LMOD3: variants seen among roughly 807,000 people sequenced by gnomAD.
The protein encoded by LMOD3 is leiomodin-3.
LMOD3 carries 31 observed loss-of-function variants against 41.8 expected under a neutral mutation model. That is an observed-to-expected ratio of 0.74 (90% CI 0.56 to 1.00). The LOEUF is 1.00. LMOD3 is among the 50% of genes least tolerant of loss of function. The pLI, the probability that LMOD3 is intolerant of heterozygous loss-of-function variation, is 0.00. For missense variants in LMOD3, 755 were observed against 679.5 expected, an observed-to-expected ratio of 1.11 and a Z score of -1.23; for synonymous variants, 292 against 241.9, an observed-to-expected ratio of 1.21 and a Z score of -1.92.
rs2107526351 is a variant in LMOD3, at chr3:69,119,383, AC to A, written c.971del (p.Gly324ValfsTer8). 1 of 1,613,842 alleles carries A rather than the reference AC, an allele frequency of 6.2e-7. No individual in the cohort carries two copies. ...ACCTCATGATGGCCACAATCCCTTT[AC>A]CTGTGATGAAATTGGACTCGATGTT... ...TLNIESNFIT[G>X]KGIVAIMRCL... On this transcript the variant is annotated frameshift_variant, in exon 2 of 3. Transcript: ENST00000420581. LOFTEE classifies it high-confidence loss of function.
At chr3:69,112,936 G>A (rs763368362) in intron 2 of LMOD3, among the ~76,000 whole-genome samples, 3 of 152,122 alleles carry the variant, frequency 2.0e-5, no homozygotes, top group Non-Finnish European at 4.4e-5. Flanking sequence ...CACATCAAAG[G>A]CAAGCAATTC....
intron 2 of LMOD3, among the ~76,000 whole-genome samples, chr3:69,114,623 T>C (rs1471182456): frequency 2.0e-5 from 3 of 151,946 alleles, no homozygotes; most frequent in Non-Finnish European, 4.4e-5. Flanking sequence ...TTCTCATACC[T>C]CAGCCTCCCA....
At position 69,118,891 on chromosome 3, in the gene LMOD3, C is replaced by T. The variant is rs532434736; in HGVS notation, c.1464G>A (p.Val488=). Residue 488 remains valine, a synonymous_variant, in exon 2 of 3, where the codon GTG becomes GTA. Coordinates refer to ENST00000420581, the MANE Select transcript of LMOD3 (RefSeq NM_198271.5). The stretch of plus-strand genomic sequence containing the variant: ...ATTTGCGCTGGATTCTCTTCAGCTT[C>T]ACCACCCGGAAGGAGTCAGGGTCTG... The part of the protein sequence containing the change: ...YRTDPDSFRV[V]KLKRIQRKSR... 30 of 1,611,228 alleles carry T rather than the reference C, an allele frequency of 1.9e-5. No homozygotes were observed. The South Asian group carries it at 3.2e-4, about 17-fold the overall frequency.
chr3:69,118,278 G>A (rs1034517456), intron 2 of LMOD3, among the ~76,000 whole-genome samples: 3 of 152,106 alleles, frequency 2.0e-5, no homozygotes, highest in Admixed American at 1.3e-4. Flanking sequence ...ACTCAGAACC[G>A]GGTTTCAATG....
At position 69,120,024 on chromosome 3, in the gene LMOD3, G is replaced by T. The variant is rs373887230; in HGVS notation, c.331C>A (p.Arg111Ser). The T allele has an allele frequency of 9.4e-6, 15 of 1,602,762 alleles. No homozygotes were observed. In the South Asian group the frequency reaches 1.5e-4, roughly 16 times the overall value. ...TQEEHEEIEK[R>S]NKNMAQYLKE... ...AAATACTGGGCCATATTTTTATTAC[G>T]TTTTTCTATTTCTTCATGCTCTTCT... Residue 111 changes from arginine to serine, a missense_variant, in exon 2 of 3, where the codon CGT (arginine) becomes AGT (serine). Arg to Ser is a moderately radical substitution (Grantham distance 110, BLOSUM62 -1). Transcript: ENST00000420581.
At position 69,122,188 on chromosome 3, in the gene LMOD3, T is replaced by C. The variant is rs1451335332; in HGVS notation, c.199A>G (p.Asn67Asp). The C allele has an allele frequency of 5.0e-6, 8 of 1,613,386 alleles. No homozygotes were observed. Among genetic ancestry groups the C allele is most frequent in the Non-Finnish European group, 5.9e-6 (7 of 1,179,658 alleles). Residue 67 changes from asparagine to aspartate, a missense_variant, in exon 1 of 3, where the codon AAT becomes GAT. Physicochemically the swap from Asn to Asp is conservative, Grantham distance 23. Coordinates refer to ENST00000420581, the MANE Select transcript of LMOD3 (RefSeq NM_198271.5). Reference sequence around the variant, plus strand: ...ATATAATCAACAAGAGATTTATGATTGAAGTTTCCTGTCGGTGGCTTGTCA... The same window carrying C: ...ATATAATCAACAAGAGATTTATGATCGAAGTTTCCTGTCGGTGGCTTGTCA... ...QTDKPPTGNF[N>D]HKSLVDYMYW...
Position 69,118,857 on chromosome 3 carries a change from G to T in LMOD3, c.1498C>A (p.Pro500Thr), listed in dbSNP as rs1446238283. 2 of 1,609,950 alleles carry T rather than the reference G, an allele frequency of 1.2e-6. No individual in the cohort carries two copies. Among genetic ancestry groups the T allele is most frequent in the Non-Finnish European group, 8.5e-7 (1 of 1,179,042 alleles). The change falls in exon 2 of 3, where the codon CCG becomes ACG. Residue 500 changes from proline (P) to threonine (T), a missense_variant. Transcript: ENST00000420581. Reference protein sequence around the residue: ...LKRIQRKSRMPEAREPPEKTN... With the variant: ...LKRIQRKSRMTEAREPPEKTN... ...TTCTCGGGTGGTTCTCTGGCTTCCG[G>T]CATCCGAGATTTGCGCTGGATTCTC...
chr3:69,110,010 G>A (rs1332671297), intron 2 of LMOD3, among the ~76,000 whole-genome samples: 1 of 152,018 alleles, frequency 6.6e-6, no homozygotes, highest in East Asian at 1.9e-4. Flanking sequence ...ATCACTATAA[G>A]AATATAAAAT....
chr3:69,111,984 A>G (rs1416388390), intron 2 of LMOD3, among the ~76,000 whole-genome samples: 1 of 152,232 alleles, frequency 6.6e-6, no homozygotes, highest in Non-Finnish European at 1.5e-5. Flanking sequence ...TAAAAACCAA[A>G]AACTATAAAA....
At chr3:69,110,702 G>T (rs1335793569) in intron 2 of LMOD3, among the ~76,000 whole-genome samples, 1 of 147,638 alleles carries the variant, frequency 6.8e-6, no homozygotes, top group African/African-American at 2.5e-5. Context: ...AATTAGCTGG[G>T]CGTGGTGGCA....
rs1258289949 is a variant in LMOD3, at chr3:69,120,059, T to C, written c.296A>G (p.Glu99Gly). Reference sequence around the variant, plus strand: ...TTCTTCATGCTCTTCTTGAGTCTTTTCCTACAAGAGAGGTTTATGAGGGTT... The same window carrying C: ...TTCTTCATGCTCTTCTTGAGTCTTTCCCTACAAGAGAGGTTTATGAGGGTT... ...RVPVTFVKSEEKTQEEHEEIE... is the reference protein window; with the variant it reads ...RVPVTFVKSEGKTQEEHEEIE... Residue 99 changes from glutamate (E) to glycine (G), a missense_variant and splice_region_variant, in exon 2 of 3, where the codon GAA (glutamate) becomes GGA (glycine). Physicochemically the swap from Glu to Gly is moderately conservative, Grantham distance 98. Transcript: ENST00000420581. 3.1e-6 allele frequency: 5 copies of C among 1,593,766 alleles called. No homozygotes were observed. The Admixed American group carries it at 5.3e-5, about 17-fold the overall frequency.
Position 69,109,282 on chromosome 3 carries a change from A to G in LMOD3, c.1657-161T>C, listed in dbSNP as rs115107879. On this transcript the variant is annotated intron_variant, in intron 2 of 2. Transcript: ENST00000420581. Reference sequence around the variant, plus strand: ...TCAAGATAAAACAACAATCATAACCACAGCCACCATTTATTAGACATTTAC... The same window carrying G: ...TCAAGATAAAACAACAATCATAACCGCAGCCACCATTTATTAGACATTTAC... Among the ~76,000 whole-genome samples, 1,405 of 152,238 alleles carry G rather than the reference A, an allele frequency of 9.2e-3. 12 individuals carry two copies. The highest frequency in any genetic ancestry group is 0.044 in the Middle Eastern group (13 of 294).
In LMOD3 at chr3:69,119,101, G is replaced by C; in HGVS notation, c.1254C>G (p.Ala418=). ...QQLKEQKKLI[A]MLENGLGLPP... is the part of the protein sequence containing the mutation. Reference sequence around the variant, plus strand: ...GCAGCCCCAACCCATTCTCTAACATGGCTATCAGCTTCTTCTGTTCCTTGA... The same window carrying C: ...GCAGCCCCAACCCATTCTCTAACATCGCTATCAGCTTCTTCTGTTCCTTGA... The change falls in exon 2 of 3, where the codon GCC becomes GCG. Residue 418 remains alanine, a synonymous_variant. Coordinates refer to ENST00000420581, the MANE Select transcript of LMOD3 (RefSeq NM_198271.5). The C allele has an allele frequency of 6.2e-7, 1 of 1,613,744 alleles. No homozygotes were observed.
In LMOD3 at chr3:69,114,944, C is replaced by A. The variant is rs962981145; in HGVS notation, c.1656+3755G>T. Among the ~76,000 whole-genome samples the A allele has an allele frequency of 2.0e-5, 3 of 152,236 alleles. No homozygotes were observed. The South Asian group carries it at 6.2e-4, about 31-fold the overall frequency. ...GCAGTGGCACAAACATGGCTCACTG[C>A]AGCCTTGACTTCCTGAGCTCAAGTG... On this transcript the variant is annotated intron_variant, in intron 2 of 2. Coordinates refer to ENST00000420581, the MANE Select transcript of LMOD3 (RefSeq NM_198271.5).
intron 2 of LMOD3, among the ~76,000 whole-genome samples, chr3:69,117,487 T>C (rs979088245): frequency 1.3e-5 from 2 of 152,156 alleles, no homozygotes; most frequent in African/African-American, 4.8e-5. Context: ...TAAAATAATA[T>C]AGTTAATTAT....
Position 69,108,672 on chromosome 3 carries a change from C to T in LMOD3, c.*423G>A, listed in dbSNP as rs2092334033. On this transcript the variant is annotated 3_prime_UTR_variant, in exon 3 of 3. Coordinates refer to ENST00000420581, the MANE Select transcript of LMOD3 (RefSeq NM_198271.5). ...AACATTATTTGTTCCCTTTAAGATA[C>T]TATGTGATGAATTACCGCAGAAGAG... The T allele has an allele frequency of 6.3e-6, 1 of 157,874 alleles. No homozygotes were observed. Among genetic ancestry groups the T allele is most frequent in the South Asian group, 1.9e-4 (1 of 5,208 alleles). The allele number at this position is 157,874 out of a possible 1,614,324, so 9.8% of individuals were successfully genotyped here.
intron 2 of LMOD3, among the ~76,000 whole-genome samples, chr3:69,116,028 G>A (rs965373063): frequency 5.9e-5 from 9 of 152,242 alleles, no homozygotes; most frequent in East Asian, 3.9e-4. Flanking sequence ...AAAGTGAGAC[G>A]GGTATGCAAG....
At chr3:69,113,358 A>C (rs1406393230) in intron 2 of LMOD3, among the ~76,000 whole-genome samples, 1 of 152,204 alleles carries the variant, frequency 6.6e-6, no homozygotes, top group African/African-American at 2.4e-5. Flanking sequence ...AAAGAGGAGA[A>C]AATTTCCCAT....
chr3:69,107,453 G>GGTTTTT lies in LMOD3; in HGVS notation c.*1641_*1642insAAAAAC, dbSNP rs2092327711. The GGTTTTT allele has an allele frequency of 2.7e-5, 1 of 37,356 alleles. No individual in the cohort carries two copies. Among genetic ancestry groups the GGTTTTT allele is most frequent in the South Asian group, 1.4e-3 (1 of 730 alleles). 2.3% of individuals were successfully genotyped at this position (37,356 alleles called of 1,614,324 possible). ...AAAGAAGAGAGAAAAGGCACCAAAG[G>GGTTTTT]TTTTTTTTTTTTTTTTTTTTTTTTT... On this transcript the variant is annotated 3_prime_UTR_variant, in exon 3 of 3. Coordinates refer to ENST00000420581, the MANE Select transcript of LMOD3 (RefSeq NM_198271.5).
Sources: gnomAD v4.1 joint callset for allele counts (sites outside exome capture counted in the v4.1 genomes callset) on GRCh38, gnomAD v4.1.1 for gene constraint, MANE v1.5 for transcripts, NCBI Gene and HGNC (gene_info 2026-07-23, HGNC 2026-07-21) for gene names.